The following TNIK variants were observed in gnomAD, a reference collection of about 807,000 sequenced individuals.
TNIK encodes TRAF2 and NCK interacting kinase, also known as TRAF2 and NCK-interacting protein kinase.
A neutral mutation model predicts 191.3 loss-of-function variants in TNIK; 49 were observed. The observed-to-expected ratio is 0.26, with a 90% CI of 0.20 to 0.32. TNIK has a LOEUF of 0.32. Among genes scored for constraint, TNIK ranks in the 10% least tolerant of loss-of-function variants. The probability of loss-of-function intolerance (pLI) is 1.00; values close to 1 mark genes in which losing one functional copy is unlikely to be tolerated. For synonymous variants in TNIK, 594 were observed against 600.9 expected, an observed-to-expected ratio of 0.99 and a Z score of 0.17; for missense variants, 1,155 against 1,702.3, an observed-to-expected ratio of 0.68 and a Z score of 5.66.
chr3:171,195,243 C>A (rs999655101), intron 4 of TNIK, among the ~76,000 whole-genome samples: 1 of 152,152 alleles, frequency 6.6e-6, no homozygotes, highest in Non-Finnish European at 1.5e-5. Context: ...CACTACTTAG[C>A]AACTTATAAA....
intron 1 of TNIK, among the ~76,000 whole-genome samples, chr3:171,417,192 T>A (rs1723195334): frequency 6.6e-6 from 1 of 152,216 alleles, no homozygotes; most frequent in South Asian, 2.1e-4. Context: ...TCTTTGCATC[T>A]CAAAATATGT....
intron 2 of TNIK, among the ~76,000 whole-genome samples, chr3:171,291,609 T>C (rs1364917242): frequency 6.6e-6 from 1 of 152,226 alleles, no homozygotes; most frequent in Admixed American, 6.5e-5. Context: ...GTGTCCATGA[T>C]CATTTAAATC....
intron 18 of TNIK, among the ~76,000 whole-genome samples, chr3:171,114,587 G>A (rs1000019425): frequency 6.6e-6 from 1 of 152,164 alleles, no homozygotes; most frequent in African/African-American, 2.4e-5. Context: ...GTGGAAAAAT[G>A]CAGTGAAAAA....
intron 15 of TNIK, among the ~76,000 whole-genome samples, chr3:171,132,606 G>A (rs1729462494): frequency 1.3e-5 from 2 of 151,982 alleles, no homozygotes; most frequent in South Asian, 4.2e-4. Context: ...ATAATAAAGA[G>A]AAACACTGTA....
intron 18 of TNIK, among the ~76,000 whole-genome samples, chr3:171,118,022 T>C (rs1727031721): frequency 6.6e-6 from 1 of 152,132 alleles, no homozygotes; most frequent in Admixed American, 6.5e-5. Flanking sequence ...GCAGATGACA[T>C]GATTGTATAT....
chr3:171,188,928 T>G, intron 6 of TNIK, 96 bp from the exon 7 acceptor site: 1 of 1,429,868 alleles, frequency 7.0e-7, no homozygotes, highest in Non-Finnish European at 9.5e-7. Context: ...AAAACATAAG[T>G]AACATAAAGT....
intron 2 of TNIK, among the ~76,000 whole-genome samples, chr3:171,248,977 G>A (rs993003965): frequency 6.6e-5 from 10 of 152,144 alleles, no homozygotes; most frequent in Admixed American, 3.3e-4. Context: ...CTAGGACGAC[G>A]TTATAAATGA....
At chr3:171,331,212 G>A (rs893743764) in intron 2 of TNIK, among the ~76,000 whole-genome samples, 2 of 152,112 alleles carry the variant, frequency 1.3e-5, no homozygotes, top group Non-Finnish European at 2.9e-5. Context: ...CCCTGACAGT[G>A]CGCTACTCCA....
At chr3:171,280,292 G>A (rs946984948) in intron 2 of TNIK, among the ~76,000 whole-genome samples, 2 of 152,208 alleles carry the variant, frequency 1.3e-5, no homozygotes, top group African/African-American at 4.8e-5. Context: ...CACTGTAGAT[G>A]AGAATTTTTG....
chr3:171,251,582 C>T (rs980370046), intron 2 of TNIK, among the ~76,000 whole-genome samples: 1 of 152,194 alleles, frequency 6.6e-6, no homozygotes, highest in Non-Finnish European at 1.5e-5. Flanking sequence ...AACTTAGACC[C>T]ACAGACTATG....
chr3:171,192,930 ATG>A (rs1433090265), intron 5 of TNIK, among the ~76,000 whole-genome samples: 2 of 152,164 alleles, frequency 1.3e-5, no homozygotes. Flanking sequence ...CCATGGATGT[ATG>A]TGTTTTTTCT....
At chr3:171,285,078 A>G (rs1218370954) in intron 2 of TNIK, among the ~76,000 whole-genome samples, 1 of 152,232 alleles carries the variant, frequency 6.6e-6, no homozygotes, top group Non-Finnish European at 1.5e-5. Flanking sequence ...TACTTTTTCA[A>G]TGCAAGACAT....
At position 171,190,971 on chromosome 3, in the gene TNIK, A is replaced by G. The variant is rs1235759062; in HGVS notation, c.418-184T>C. Among the ~76,000 whole-genome samples, 4 of 152,200 alleles carry G rather than the reference A, an allele frequency of 2.6e-5. No individual in the cohort carries two copies. The East Asian group carries it at 7.7e-4, about 29-fold the overall frequency. ...GTAGGCAATTCATCAATATAAATTA[A>G]AGTACCCAGGCAGTCCTTGCAATGC... is the stretch of plus-strand genomic sequence containing the variant. On this transcript the variant is annotated intron_variant, in intron 5 of 32. Coordinates refer to ENST00000436636, the MANE Select transcript of TNIK (RefSeq NM_015028.4).
intron 2 of TNIK, among the ~76,000 whole-genome samples, chr3:171,311,978 G>A (rs1465925447): frequency 2.0e-5 from 3 of 151,814 alleles, no homozygotes; most frequent in African/African-American, 4.8e-5. Flanking sequence ...ATGTGACTTC[G>A]GGGGTTGGGG....
At chr3:171,262,703 A>T (rs1245350149) in intron 2 of TNIK, among the ~76,000 whole-genome samples, 8 of 152,278 alleles carry the variant, frequency 5.3e-5, no homozygotes, top group Admixed American at 5.2e-4. Context: ...CTAAGCAGTC[A>T]GTTGCCTACC....
At chr3:171,309,697 A>C (rs1301755589) in intron 2 of TNIK, among the ~76,000 whole-genome samples, 1 of 152,198 alleles carries the variant, frequency 6.6e-6, no homozygotes, top group Non-Finnish European at 1.5e-5. Context: ...TTCTGAGACT[A>C]ATAGTTTGTA....
Position 171,355,892 on chromosome 3 carries a change from A to C in TNIK, c.123+13728T>G, listed in dbSNP as rs78545812. On this transcript the variant is annotated intron_variant, in intron 2 of 32. Transcript: ENST00000436636. ...TATTTCATTGTCTCTCCCCACCCTCAACCCCAAACACACAAACCTAGGCAT... is the reference window on the plus strand; with the variant it reads ...TATTTCATTGTCTCTCCCCACCCTCCACCCCAAACACACAAACCTAGGCAT... 4.3e-3 allele frequency among the ~76,000 whole-genome samples: 648 copies of C among 152,194 alleles called. 3 individuals are homozygous for C. Among genetic ancestry groups the C allele is most frequent in the African/African-American group, 0.015 (626 of 41,510 alleles).
intron 3 of TNIK, among the ~76,000 whole-genome samples, chr3:171,224,574 ACT>A (rs1156830850): frequency 6.6e-6 from 1 of 152,110 alleles, no homozygotes; most frequent in Non-Finnish European, 1.5e-5. Flanking sequence ...TGTGTGTGAC[ACT>A]CTGAGGAGTT....
intron 2 of TNIK, among the ~76,000 whole-genome samples, chr3:171,317,851 G>A (rs1416245247): frequency 6.6e-6 from 1 of 152,156 alleles, no homozygotes; most frequent in Non-Finnish European, 1.5e-5. Flanking sequence ...TAGGCAGCGT[G>A]TTCCTATTCC....
Sources: allele counts gnomAD v4.1 joint callset (sites outside exome capture counted in the v4.1 genomes callset), GRCh38; gene constraint gnomAD v4.1.1; transcripts MANE v1.5; gene names NCBI Gene and HGNC (gene_info 2026-07-23, HGNC 2026-07-21).